The following LINC00632 variants were observed in gnomAD, a reference collection of about 807,000 sequenced individuals.
The protein encoded by LINC00632 is ALDOA related specific transcript.
At chrX:140,726,033 T>C (rs1930954889) in intron 2 of LINC00632, among the ~76,000 whole-genome samples, 1 of 110,957 alleles carries the variant, frequency 9.0e-6, no homozygotes, top group African/African-American at 3.3e-5. Flanking sequence ...CTAACAGACA[T>C]GTCCTACAAT....
chrX:140,719,505 A>T (rs754002337), intron 2 of LINC00632, among the ~76,000 whole-genome samples: 1 of 109,402 alleles, frequency 9.1e-6, no homozygotes, highest in South Asian at 4.2e-4. Context: ...CATTTTGGCC[A>T]GGCTGGTCTC....
intron 3 of LINC00632, among the ~76,000 whole-genome samples, chrX:140,742,269 A>G (rs977217975): frequency 1.8e-5 from 2 of 111,807 alleles, no homozygotes; most frequent in African/African-American, 6.5e-5. Flanking sequence ...TGTGCTGAAT[A>G]TCTTGAAAAA....
chrX:140,737,197 G>A (rs924394176), intron 3 of LINC00632, among the ~76,000 whole-genome samples: 23 of 111,396 alleles, frequency 2.1e-4, no homozygotes, highest in African/African-American at 6.2e-4. Context: ...ACCGCAGTCG[G>A]CTGAGGATTG....
intron 2 of LINC00632, chrX:140,711,681 C>A (rs750088834): frequency 3.7e-6 from 1 of 268,621 alleles, no homozygotes; most frequent in African/African-American, 2.8e-5. Flanking sequence ...AAGGTTTCTT[C>A]CCCCCAACAC....
chrX:140,726,527 A>G (rs775330295), intron 2 of LINC00632, among the ~76,000 whole-genome samples: 2 of 111,921 alleles, frequency 1.8e-5, no homozygotes, highest in Non-Finnish European at 3.8e-5. Flanking sequence ...CTCACTTAGA[A>G]TAAATTCACA....
chrX:140,779,942 A>G (rs746666048), exon 5 of LINC00632, among the ~76,000 whole-genome samples: 1 of 111,041 alleles, frequency 9.0e-6, no homozygotes, highest in African/African-American at 3.3e-5. Context: ...TCCTGGCAGT[A>G]CAACCCCTGG....
At chrX:140,716,196 T>C (rs886479106) in intron 2 of LINC00632, 2 of 111,925 alleles carry the variant, frequency 1.8e-5, no homozygotes, top group Non-Finnish European at 3.8e-5. Context: ...ACAACAGAAA[T>C]ACAGCTTGTG....
exon 4 of LINC00632, among the ~76,000 whole-genome samples, chrX:140,773,505 T>C (rs893576723): frequency 2.7e-5 from 3 of 112,528 alleles, no homozygotes; most frequent in Non-Finnish European, 5.6e-5. Flanking sequence ...CCATGTTGCT[T>C]TACAGATTCC....
rs923276467 is a variant in LINC00632 at position 140,757,287 on chromosome X, A to G, written n.192-14791A>G. On this transcript the variant is annotated intron_variant and non_coding_transcript_variant, in intron 3 of 4. Coordinates refer to ENST00000648200, the Ensembl canonical transcript of LINC00632. ...AAAAAGACAAACTTAACAGGTTTAA[A>G]CTATCTAAAGTGAACTATATGATAG... 2.7e-5 allele frequency among the ~76,000 whole-genome samples: 3 copies of G among 111,325 alleles called. No individual in the cohort carries two copies. In the Admixed American group the frequency reaches 2.9e-4, roughly 11 times the overall value.
At chrX:140,727,483 GGGTTTCAC>G (rs1930982462) in intron 2 of LINC00632, among the ~76,000 whole-genome samples, 1 of 110,929 alleles carries the variant, frequency 9.0e-6, no homozygotes, top group African/African-American at 3.3e-5. Context: ...AATAGAGACG[GGGTTTCAC>G]CATGTTGGCC....
At chrX:140,757,886 G>A in intron 3 of LINC00632, among the ~76,000 whole-genome samples, 1 of 111,467 alleles carries the variant, frequency 9.0e-6, no homozygotes, top group Non-Finnish European at 1.9e-5. Context: ...ATGTTTTTTA[G>A]CGGGATAAAT....
chrX:140,733,054 C>T (rs1179215105), intron 2 of LINC00632, among the ~76,000 whole-genome samples: 8 of 112,378 alleles, frequency 7.1e-5, no homozygotes, highest in Admixed American at 1.9e-4. Flanking sequence ...TGAGCCACTG[C>T]GCCCAGCCGA....
intron 2 of LINC00632, among the ~76,000 whole-genome samples, chrX:140,724,145 TACAC>T (rs1380956762): frequency 4.4e-5 from 2 of 45,512 alleles, no homozygotes; most frequent in African/African-American, 1.5e-4. Context: ...ACACATTCCA[TACAC>T]ACACAGACAC....
chrX:140,773,136 A>G (rs1037990738), exon 4 of LINC00632, among the ~76,000 whole-genome samples: 5 of 111,548 alleles, frequency 4.5e-5, no homozygotes, highest in African/African-American at 1.6e-4. Context: ...ATCGCACTCC[A>G]GCCTGGGTGA....
At chrX:140,791,105 G>T (rs1932101412) in exon 5 of LINC00632, among the ~76,000 whole-genome samples, 2 of 110,084 alleles carry the variant, frequency 1.8e-5, no homozygotes, top group Non-Finnish European at 1.9e-5. Flanking sequence ...ATGCCTCATT[G>T]TTTAACTATT....
exon 5 of LINC00632, among the ~76,000 whole-genome samples, chrX:140,779,625 G>T (rs4824957): frequency 5.4e-5 from 6 of 110,904 alleles, no homozygotes; most frequent in African/African-American, 2.0e-4. Flanking sequence ...TTACTGGGAA[G>T]TATAAAATCA....
Position 140,710,755 on chromosome X carries a change from C to T in LINC00632, n.69-866C>T, listed in dbSNP as rs188511777. On this transcript the variant is annotated intron_variant and non_coding_transcript_variant, in intron 1 of 4. Coordinates refer to ENST00000648200, the Ensembl canonical transcript of LINC00632. Reference sequence around the variant, plus strand: ...TAGATTTCGTTTTTGAGTTAGATGACAAAGCAGCAGCAATCAAGGAGGAAA... The same window carrying T: ...TAGATTTCGTTTTTGAGTTAGATGATAAAGCAGCAGCAATCAAGGAGGAAA... 4.9e-3 allele frequency among the ~76,000 whole-genome samples: 539 copies of T among 110,440 alleles called. 1 individual carries two copies. Among genetic ancestry groups the T allele is most frequent in the Non-Finnish European group, 4.9e-3 (260 of 52,900 alleles).
chrX:140,787,489 G>A (rs1198154319), exon 5 of LINC00632, among the ~76,000 whole-genome samples: 1 of 111,737 alleles, frequency 8.9e-6, no homozygotes, highest in Non-Finnish European at 1.9e-5. Flanking sequence ...TGTAAGGTGT[G>A]AAGAACACAA....
intron 3 of LINC00632, among the ~76,000 whole-genome samples, chrX:140,769,341 C>T (rs1158986782): frequency 2.7e-5 from 3 of 111,703 alleles, no homozygotes; most frequent in Non-Finnish European, 5.6e-5. Context: ...GCTTTTACAT[C>T]TTTCTAGACC....
Sources: allele counts gnomAD v4.1 joint callset (sites outside exome capture counted in the v4.1 genomes callset), GRCh38; gene constraint gnomAD v4.1.1; transcripts MANE v1.5; gene names NCBI Gene and HGNC (gene_info 2026-07-23, HGNC 2026-07-21).